The following PARP16 variants were observed in gnomAD, a reference collection of about 807,000 sequenced individuals.
The protein encoded by PARP16 is protein mono-ADP-ribosyltransferase PARP16.
A neutral mutation model predicts 35.0 loss-of-function variants in PARP16; 31 were observed. That is an observed-to-expected ratio of 0.88 (90% CI 0.66 to 1.19). PARP16 has a LOEUF of 1.19. Ranked by LOEUF, PARP16 falls within the 50% of genes most tolerant of loss-of-function variation. The probability of loss-of-function intolerance (pLI) is 0.00; values close to 1 mark genes in which losing one functional copy is unlikely to be tolerated. For synonymous variants in PARP16, 162 were observed against 169.5 expected, an observed-to-expected ratio of 0.96 and a Z score of 0.34; for missense variants, 424 against 411.2, an observed-to-expected ratio of 1.03 and a Z score of -0.27.
intron 1 of PARP16, among the ~76,000 whole-genome samples, chr15:65,271,869 G>A (rs773786477): frequency 3.9e-5 from 6 of 152,302 alleles, no homozygotes; most frequent in African/African-American, 9.6e-5. Context: ...AACTACATAC[G>A]TAATCAGGCA....
chr15:65,265,340 T>C (rs1389446566), intron 3 of PARP16, among the ~76,000 whole-genome samples: 3 of 152,208 alleles, frequency 2.0e-5, no homozygotes, highest in African/African-American at 7.2e-5. Flanking sequence ...TTCTCTGACA[T>C]ATAAGAAGGA....
At chr15:65,270,219 T>C (rs935381768) in intron 2 of PARP16, among the ~76,000 whole-genome samples, 1 of 152,200 alleles carries the variant, frequency 6.6e-6, no homozygotes, top group Non-Finnish European at 1.5e-5. Flanking sequence ...GTCCTTGTTA[T>C]CCAGCCTGTC....
intron 2 of PARP16, among the ~76,000 whole-genome samples, chr15:65,270,094 G>T (rs529251): frequency 0.3 from 45,425 of 152,116 alleles, 7,001 homozygotes; most frequent in Admixed American, 0.35. Context: ...TAGGAAAGAT[G>T]TGTGTCTTTG....
chr15:65,257,095 C>T (rs1204937458), downstream of PARP16, among the ~76,000 whole-genome samples: 1 of 152,156 alleles, frequency 6.6e-6, no homozygotes, highest in Non-Finnish European at 1.5e-5. Context: ...CCAGCCTGGC[C>T]AACATGGCAA....
intron 3 of PARP16, among the ~76,000 whole-genome samples, chr15:65,240,584 A>AT (rs915165653): frequency 2.6e-5 from 4 of 151,778 alleles, no homozygotes; most frequent in African/African-American, 9.7e-5. Flanking sequence ...TTGTATCAGT[A>AT]TTTTTTTTAT....
intron 2 of PARP16, among the ~76,000 whole-genome samples, chr15:65,248,474 C>T (rs1361794085): frequency 6.6e-6 from 1 of 152,024 alleles, no homozygotes; most frequent in African/African-American, 2.4e-5. Flanking sequence ...AAGATACTCA[C>T]ATACATGGGC....
At chr15:65,254,185 C>T (rs1452893265), downstream of PARP16, among the ~76,000 whole-genome samples, 2 of 152,202 alleles carry the variant, frequency 1.3e-5, no homozygotes. Flanking sequence ...TCAATAAATG[C>T]TGCTTTCCCT....
chr15:65,266,864 C>G, intron 2 of PARP16, 96 bp from the exon 3 acceptor site: 1 of 840,744 alleles, frequency 1.2e-6, no homozygotes, highest in Non-Finnish European at 2.0e-6. Flanking sequence ...CTCCCATGGA[C>G]TCTGCTCATG....
chr15:65,234,091 A>ATAAC (rs2088820108), downstream of PARP16, among the ~76,000 whole-genome samples: 1 of 152,214 alleles, frequency 6.6e-6, no homozygotes, highest in African/African-American at 2.4e-5. Flanking sequence ...CAGAGCTTGG[A>ATAAC]TAACTTCTCC....
chr15:65,271,430 C>T (rs924892070), intron 1 of PARP16, among the ~76,000 whole-genome samples: 6 of 152,030 alleles, frequency 3.9e-5, no homozygotes, highest in South Asian at 2.1e-4. Flanking sequence ...CACGCCACCA[C>T]GCCTGGCTAC....
At chr15:65,284,979 A>G (rs1181016209) in intron 1 of PARP16, among the ~76,000 whole-genome samples, 1 of 151,710 alleles carries the variant, frequency 6.6e-6, no homozygotes, top group East Asian at 1.9e-4. Context: ...CACCACACTC[A>G]GCTAATTTAA....
At chr15:65,252,376 A>C (rs1450263346) in intron 2 of PARP16, among the ~76,000 whole-genome samples, 2 of 152,238 alleles carry the variant, frequency 1.3e-5, no homozygotes, top group Non-Finnish European at 2.9e-5. Flanking sequence ...TGCTAGTTTT[A>C]AATCCCTACA....
chr15:65,284,236 G>A (rs1331625443), intron 1 of PARP16, among the ~76,000 whole-genome samples: 1 of 151,720 alleles, frequency 6.6e-6, no homozygotes, highest in Non-Finnish European at 1.5e-5. Context: ...CTGGTCATAA[G>A]GAATTACCCT....
downstream of PARP16, among the ~76,000 whole-genome samples, chr15:65,233,093 C>T (rs1478645797): frequency 6.6e-6 from 1 of 152,182 alleles, no homozygotes; most frequent in Non-Finnish European, 1.5e-5. Context: ...CAGTATTGTG[C>T]TTATAGTTAA....
intron 1 of PARP16, among the ~76,000 whole-genome samples, chr15:65,285,869 C>CT (rs2090577205): frequency 6.6e-6 from 1 of 152,190 alleles, no homozygotes; most frequent in African/African-American, 2.4e-5. Flanking sequence ...GCTTTGGTGA[C>CT]TTTTTGGTGT....
chr15:65,262,543 T>C (rs1362515953), intron 4 of PARP16, among the ~76,000 whole-genome samples: 2 of 152,076 alleles, frequency 1.3e-5, no homozygotes, highest in African/African-American at 4.8e-5. Flanking sequence ...AGGGACACAG[T>C]AGGGGAGTGG....
chr15:65,261,375 G>A (rs906110215), intron 4 of PARP16, among the ~76,000 whole-genome samples: 1 of 148,108 alleles, frequency 6.8e-6, no homozygotes, highest in Non-Finnish European at 1.5e-5. Flanking sequence ...CTCTTAACAG[G>A]CATTTTATAT....
At chr15:65,283,957 A>T (rs1303995462) in intron 1 of PARP16, among the ~76,000 whole-genome samples, 1 of 152,136 alleles carries the variant, frequency 6.6e-6, no homozygotes, top group African/African-American at 2.4e-5. Context: ...GTACCCTGAA[A>T]CGCCTGTGCA....
At chr15:65,234,337 G>C (rs557986989), downstream of PARP16, 1 of 152,116 alleles carries the variant, frequency 6.6e-6, no homozygotes, top group Admixed American at 6.6e-5. Context: ...GAGAGTTTCC[G>C]GGATTCTCTC....
Sources: gnomAD v4.1 joint callset for allele counts (sites outside exome capture counted in the v4.1 genomes callset) on GRCh38, gnomAD v4.1.1 for gene constraint, MANE v1.5 for transcripts, NCBI Gene and HGNC (gene_info 2026-07-23, HGNC 2026-07-21) for gene names.